RAI14: variants seen among roughly 807,000 people sequenced by gnomAD.
RAI14 encodes the protein retinoic acid induced 14.
RAI14 carries 45 observed loss-of-function variants against 115.4 expected under a neutral mutation model. The observed-to-expected ratio is 0.39, with a 90% CI of 0.31 to 0.50. The LOEUF (loss-of-function observed/expected upper bound fraction) is 0.50. Among genes scored for constraint, RAI14 ranks in the 20% least tolerant of loss-of-function variants. RAI14 has a pLI of 0.85. For synonymous variants in RAI14, 371 were observed against 415.4 expected, an observed-to-expected ratio of 0.89 and a Z score of 1.30; for missense variants, 939 against 1,131.2, an observed-to-expected ratio of 0.83 and a Z score of 2.44.
intron 2 of RAI14, among the ~76,000 whole-genome samples, chr5:34,718,910 A>G (rs1742314553): frequency 6.6e-6 from 1 of 152,232 alleles, no homozygotes; most frequent in Non-Finnish European, 1.5e-5. Context: ...CACCTCCAGG[A>G]CAGATTCAAG....
At chr5:34,776,815 C>A (rs1750914192) in intron 3 of RAI14, among the ~76,000 whole-genome samples, 1 of 106,320 alleles carries the variant, frequency 9.4e-6, no homozygotes, top group Admixed American at 9.5e-5. Context: ...TTAAAAAAAC[C>A]CACCAAAACT....
At chr5:34,733,967 A>G (rs1744523736) in intron 2 of RAI14, among the ~76,000 whole-genome samples, 1 of 152,110 alleles carries the variant, frequency 6.6e-6, no homozygotes, top group African/African-American at 2.4e-5. Flanking sequence ...CAGGCTTCAT[A>G]ACGTAGTGTC....
At chr5:34,813,541 C>G (rs778850401) in intron 10 of RAI14, 33 bp from the exon 11 acceptor site, 5 of 1,527,530 alleles carry the variant, frequency 3.3e-6, no homozygotes, top group Non-Finnish European at 9.0e-7. Flanking sequence ...CAAACTAACC[C>G]ACCTCCATTC....
At chr5:34,740,132 T>G (rs1745323402) in intron 2 of RAI14, among the ~76,000 whole-genome samples, 1 of 152,224 alleles carries the variant, frequency 6.6e-6, no homozygotes, top group Admixed American at 6.5e-5. Context: ...ACCAAGTGAC[T>G]TTCAGTAAAA....
rs143007516 is a variant in RAI14, at chr5:34,698,894, G to A, written c.36+11939G>A. 4.9e-3 allele frequency among the ~76,000 whole-genome samples: 748 copies of A among 152,220 alleles called. 11 individuals are homozygous for A. Among genetic ancestry groups the A allele is most frequent in the African/African-American group, 0.017 (698 of 41,526 alleles). On this transcript the variant is annotated intron_variant, in intron 2 of 17. Coordinates refer to ENST00000265109, the MANE Select transcript of RAI14 (RefSeq NM_015577.3). ...CTGGTGGCTGCTGTGGGGCAAGAAC[G>A]ACGGGATTTGAGTGTGCGTGGGGAT...
intron 15 of RAI14, chr5:34,826,048 C>T (rs1380357394): frequency 4.8e-6 from 1 of 207,308 alleles, no homozygotes; most frequent in East Asian, 1.1e-4. Context: ...AAGTAGGAAA[C>T]CAACATCACA....
rs1755648448 is a variant in RAI14, at chr5:34,811,922, T to C, written c.713T>C (p.Leu238Ser). 12 of 1,610,420 alleles carry C rather than the reference T, an allele frequency of 7.5e-6. No individual in the cohort carries two copies. Among genetic ancestry groups the C allele is most frequent in the Non-Finnish European group, 1.0e-5 (12 of 1,178,862 alleles). ...AATGCAGGAATTCAAAGCCTTCTAT[T>C]ATCAAAAATCTCTCAGGATGCTGGT... ...SENAGIQSLL[L>S]SKISQDADLK... is the part of the protein sequence containing the mutation. The change falls in exon 9 of 18, where the codon TTA (leucine) becomes TCA (serine). Residue 238 changes from leucine (L) to serine (S), a missense_variant. By Grantham distance (145) the Leu-to-Ser change is moderately radical. Coordinates refer to ENST00000265109, the MANE Select transcript of RAI14 (RefSeq NM_015577.3).
intron 2 of RAI14, among the ~76,000 whole-genome samples, chr5:34,719,051 A>G (rs979704429): frequency 6.6e-6 from 1 of 152,222 alleles, no homozygotes; most frequent in East Asian, 1.9e-4. Flanking sequence ...GGCGTAAAAC[A>G]AATCTTTATT....
At chr5:34,758,358 C>T (rs1271820372) in intron 3 of RAI14, among the ~76,000 whole-genome samples, 1 of 152,126 alleles carries the variant, frequency 6.6e-6, no homozygotes, top group East Asian at 1.9e-4. Context: ...AGTTTTATAT[C>T]TTTTCTTTTT....
Position 34,831,779 on chromosome 5 carries a change from T to C in RAI14, c.*1014T>C, listed in dbSNP as rs1052741584. The C allele has an allele frequency of 2.6e-5, 4 of 152,226 alleles. No individual in the cohort carries two copies. Among genetic ancestry groups the C allele is most frequent in the African/African-American group, 9.6e-5 (4 of 41,452 alleles). The allele number at this position is 152,226 out of a possible 1,614,324, so 9.4% of individuals were successfully genotyped here. On this transcript the variant is annotated 3_prime_UTR_variant, in exon 18 of 18. Coordinates refer to ENST00000265109, the MANE Select transcript of RAI14 (RefSeq NM_015577.3). ...AGCTATAGCAAAAGGTAGTTATGTA[T>C]GCCAGACCTAATATGAGCTGCCACC...
At chr5:34,752,181 G>C (rs1485356906) in intron 2 of RAI14, among the ~76,000 whole-genome samples, 1 of 151,252 alleles carries the variant, frequency 6.6e-6, no homozygotes, top group Non-Finnish European at 1.5e-5. Context: ...TGGAAAATTG[G>C]CCTTTTAAAA....
chr5:34,800,565 C>T (rs1267323501), intron 4 of RAI14, among the ~76,000 whole-genome samples: 1 of 152,172 alleles, frequency 6.6e-6, no homozygotes, highest in Non-Finnish European at 1.5e-5. Flanking sequence ...AGACATCTTA[C>T]TTCAGTGTTA....
chr5:34,753,380 T>C (rs1048641184), intron 2 of RAI14, among the ~76,000 whole-genome samples: 2 of 151,736 alleles, frequency 1.3e-5, no homozygotes, highest in Non-Finnish European at 2.9e-5. Context: ...GGGGTGGGGG[T>C]AGGGGAGAGG....
At chr5:34,812,592 G>A (rs1755735715) in intron 10 of RAI14, among the ~76,000 whole-genome samples, 1 of 152,112 alleles carries the variant, frequency 6.6e-6, no homozygotes, top group Non-Finnish European at 1.5e-5. Context: ...TTGAACCCAG[G>A]AGGCAGAGGT....
At position 34,697,781 on chromosome 5, in the gene RAI14, A is replaced by G. The variant is rs756907570; in HGVS notation, c.36+10826A>G. ...AATATGTAATTTATAAAATTGTGCA[A>G]TATGAGGATTCTTCATTATATTGAT... On this transcript the variant is annotated intron_variant, in intron 2 of 17. Coordinates refer to ENST00000265109, the MANE Select transcript of RAI14 (RefSeq NM_015577.3). Among the ~76,000 whole-genome samples, 180 of 152,350 alleles carry G rather than the reference A, an allele frequency of 1.2e-3. 1 individual carries two copies. The highest frequency in any genetic ancestry group is 1.9e-3 in the Non-Finnish European group (126 of 68,030).
chr5:34,661,834 T>C (rs936190673), intron 1 of RAI14, among the ~76,000 whole-genome samples: 1 of 152,240 alleles, frequency 6.6e-6, no homozygotes, highest in Non-Finnish European at 1.5e-5. Flanking sequence ...ACTGCATTTC[T>C]TTCTTTTTTC....
intron 2 of RAI14, among the ~76,000 whole-genome samples, chr5:34,718,531 T>C (rs1263555968): frequency 6.6e-6 from 1 of 152,268 alleles, no homozygotes; most frequent in Non-Finnish European, 1.5e-5. Flanking sequence ...TTACACACAA[T>C]GGTGCTCAGG....
chr5:34,775,991 C>T lies in RAI14; in HGVS notation c.167+18393C>T, dbSNP rs377744796. Among the ~76,000 whole-genome samples, 295 of 152,296 alleles carry T rather than the reference C, an allele frequency of 1.9e-3. 1 individual carries two copies. The highest frequency in any genetic ancestry group is 6.9e-3 in the African/African-American group (286 of 41,562). On this transcript the variant is annotated intron_variant, in intron 3 of 17. Coordinates refer to ENST00000265109, the MANE Select transcript of RAI14 (RefSeq NM_015577.3). The stretch of plus-strand genomic sequence containing the variant: ...CTCTCATGTTTATTGTAGCATTATT[C>T]TCAGTAGCCATTATTTGGAAGCAAC...
At chr5:34,796,313 A>G (rs1016800214) in intron 4 of RAI14, among the ~76,000 whole-genome samples, 1 of 151,736 alleles carries the variant, frequency 6.6e-6, no homozygotes, top group African/African-American at 2.4e-5. Flanking sequence ...CATGAGAATC[A>G]CTGGAATCCT....
Sources: gnomAD v4.1 joint callset for allele counts (sites outside exome capture counted in the v4.1 genomes callset) on GRCh38, gnomAD v4.1.1 for gene constraint, MANE v1.5 for transcripts, NCBI Gene and HGNC (gene_info 2026-07-23, HGNC 2026-07-21) for gene names.